Variants in PDZRN3 observed in about 807,000 individuals in gnomAD.
The protein encoded by PDZRN3 is E3 ubiquitin-protein ligase PDZRN3.
A neutral mutation model predicts 85.7 loss-of-function variants in PDZRN3; 38 were observed. The ratio of observed to expected loss-of-function variants is 0.44; its 90% CI spans 0.34 to 0.58. PDZRN3 has a LOEUF of 0.58. Ranked by LOEUF, PDZRN3 falls within the 20% of genes least tolerant of loss-of-function variation. The pLI is 0.01. For missense variants in PDZRN3, 1,629 were observed against 1,506.4 expected, an observed-to-expected ratio of 1.08 and a Z score of -1.35; for synonymous variants, 759 against 638.0, an observed-to-expected ratio of 1.19 and a Z score of -2.86.
intron 1 of PDZRN3, among the ~76,000 whole-genome samples, chr3:73,618,808 C>T (rs934200641): frequency 6.6e-6 from 1 of 152,172 alleles, no homozygotes; most frequent in Non-Finnish European, 1.5e-5. Flanking sequence ...AAAACAAATC[C>T]TAATTTTCCT....
intron 3 of PDZRN3, among the ~76,000 whole-genome samples, chr3:73,596,610 C>A (rs1702434045): frequency 6.6e-6 from 1 of 152,116 alleles, no homozygotes; most frequent in South Asian, 2.1e-4. Flanking sequence ...GGTATTCTTG[C>A]CCAAAACGTA....
At position 73,384,083 on chromosome 3, in the gene PDZRN3, T is replaced by A. The variant is rs775497530; in HGVS notation, c.2483A>T (p.Glu828Val). 6.2e-7 allele frequency: 1 copy of A among 1,613,104 alleles called. No individual in the cohort carries two copies. The highest frequency in any genetic ancestry group is 8.5e-7 in the Non-Finnish European group (1 of 1,179,672). The change falls in exon 10 of 10, where the codon GAG (glutamate) becomes GTG (valine). Residue 828 changes from glutamate (E) to valine (V), a missense_variant. Glu to Val is a moderately radical substitution (Grantham distance 121). Coordinates refer to ENST00000263666, the MANE Select transcript of PDZRN3 (RefSeq NM_015009.3). The part of the protein sequence containing the change: ...GTPTYSPSLK[E>V]LDPNQPLESK... Reference sequence around the variant, plus strand: ...TTCCAGGGGCTGGTTGGGGTCCAGCTCCTTCAGGGACGGGCTATAGGTAGG... The same window carrying A: ...TTCCAGGGGCTGGTTGGGGTCCAGCACCTTCAGGGACGGGCTATAGGTAGG...
chr3:73,568,818 G>A (rs1047004880), intron 3 of PDZRN3, among the ~76,000 whole-genome samples: 1 of 152,138 alleles, frequency 6.6e-6, no homozygotes, highest in Non-Finnish European at 1.5e-5. Context: ...CAAATCCTGG[G>A]ATTAAAACAG....
intron 3 of PDZRN3, among the ~76,000 whole-genome samples, chr3:73,550,695 C>T (rs953494319): frequency 6.6e-6 from 1 of 152,156 alleles, no homozygotes; most frequent in African/African-American, 2.4e-5. Context: ...TATATGGTGA[C>T]GTCTACCCAA....
chr3:73,493,915 G>T (rs928787286), intron 3 of PDZRN3, among the ~76,000 whole-genome samples: 3 of 152,190 alleles, frequency 2.0e-5, no homozygotes, highest in Admixed American at 1.3e-4. Context: ...CCATGTTTGA[G>T]AAGAACGTGC....
At chr3:73,505,672 C>T (rs558290233) in intron 3 of PDZRN3, among the ~76,000 whole-genome samples, 8 of 152,050 alleles carry the variant, frequency 5.3e-5, no homozygotes, top group Non-Finnish European at 1.2e-4. Context: ...TATTAAAGGT[C>T]ATTTATTTTC....
At chr3:73,414,915 C>T (rs1702045351) in intron 3 of PDZRN3, among the ~76,000 whole-genome samples, 1 of 152,330 alleles carries the variant, frequency 6.6e-6, no homozygotes, top group African/African-American at 2.4e-5. Context: ...TTGCAGGAAT[C>T]ATCTTTTGCT....
In PDZRN3 at chr3:73,609,180, GA is replaced by G. The variant is rs367924782; in HGVS notation, c.724-497del. 4.7e-4 allele frequency among the ~76,000 whole-genome samples: 72 copies of G among 152,202 alleles called. 1 individual carries two copies. Among genetic ancestry groups the G allele is most frequent in the African/African-American group, 1.6e-3 (68 of 41,524 alleles). On this transcript the variant is annotated intron_variant, in intron 1 of 9. Coordinates refer to ENST00000263666, the MANE Select transcript of PDZRN3 (RefSeq NM_015009.3). ...GGAGACTTGGGGAAAAATAGTGCATGAAAAGTGAGATGCAAACACACACAGA... is the reference window on the plus strand; with the variant it reads ...GGAGACTTGGGGAAAAATAGTGCATGAAAGTGAGATGCAAACACACACAGA...
chr3:73,433,726 G>A, intron 3 of PDZRN3: 1 of 1,536,056 alleles, frequency 6.5e-7, no homozygotes, highest in Non-Finnish European at 8.7e-7. Context: ...AAACGTCAAA[G>A]GAAGGCTTCC....
intron 3 of PDZRN3, among the ~76,000 whole-genome samples, chr3:73,468,226 G>A (rs1016306901): frequency 1.3e-5 from 2 of 152,126 alleles, no homozygotes; most frequent in Non-Finnish European, 2.9e-5. Context: ...TTGGAAATGG[G>A]AAGCGACCAT....
chr3:73,621,760 C>A (rs1196562735), intron 1 of PDZRN3: 1 of 152,170 alleles, frequency 6.6e-6, no homozygotes, highest in African/African-American at 2.4e-5. Flanking sequence ...AAGTTCCAAG[C>A]AGGGCTCCAA....
At chr3:73,551,804 C>G (rs913556106) in intron 3 of PDZRN3, among the ~76,000 whole-genome samples, 2 of 151,894 alleles carry the variant, frequency 1.3e-5, no homozygotes, top group Non-Finnish European at 2.9e-5. Flanking sequence ...TTTTGAGATG[C>G]TACCTTCTTG....
chr3:73,565,116 AATTTTTTTTTTTTTTTT>A (rs1232105680), intron 3 of PDZRN3, among the ~76,000 whole-genome samples: 4 of 87,948 alleles, frequency 4.5e-5, no homozygotes, highest in Admixed American at 1.5e-4. Flanking sequence ...TATATCCACC[AATTTTTTTTTTTTTTTT>A]TTTTTTTTTT....
intron 1 of PDZRN3, among the ~76,000 whole-genome samples, chr3:73,615,893 G>C (rs1026117176): frequency 2.6e-5 from 4 of 152,186 alleles, no homozygotes; most frequent in Non-Finnish European, 5.9e-5. Flanking sequence ...AAGTGCTATA[G>C]TTTGGATGAC....
At chr3:73,457,468 T>C (rs567504219) in intron 3 of PDZRN3, among the ~76,000 whole-genome samples, 1 of 152,084 alleles carries the variant, frequency 6.6e-6, no homozygotes, top group African/African-American at 2.4e-5. Context: ...TGGCCCAATA[T>C]GGGTTTGTTG....
intron 3 of PDZRN3, among the ~76,000 whole-genome samples, chr3:73,485,957 C>G (rs1559703569): frequency 1.3e-5 from 2 of 152,214 alleles, no homozygotes; most frequent in Admixed American, 6.5e-5. Context: ...TTGCACGTGA[C>G]TTGCTGTTTC....
intron 3 of PDZRN3, among the ~76,000 whole-genome samples, chr3:73,599,661 T>C (rs1308011539): frequency 2.6e-5 from 4 of 152,266 alleles, no homozygotes; most frequent in Non-Finnish European, 2.9e-5. Context: ...AACTCTTGTA[T>C]AAATCAAAGC....
In PDZRN3 at chr3:73,384,016, C is replaced by T. The variant is rs776744489; in HGVS notation, c.2550G>A (p.Thr850=). The change falls in exon 10 of 10, where the codon ACG becomes ACA. Residue 850 remains threonine, a synonymous_variant. Transcript: ENST00000263666. ...RRASDGSRSP[T]PSQKLGSAYL... is the part of the protein sequence containing the mutation. Reference sequence around the variant, plus strand: ...AGGCGCTGCCCAGCTTCTGGCTGGGCGTGGGGCTCCGGCTCCCGTCGCTGG... The same window carrying T: ...AGGCGCTGCCCAGCTTCTGGCTGGGTGTGGGGCTCCGGCTCCCGTCGCTGG... 8.8e-6 allele frequency: 14 copies of T among 1,589,700 alleles called. No individual in the cohort carries two copies. Among genetic ancestry groups the T allele is most frequent in the Admixed American group, 1.7e-5 (1 of 57,960 alleles).
intron 3 of PDZRN3, among the ~76,000 whole-genome samples, chr3:73,430,204 G>A (rs1281296892): frequency 1.3e-5 from 2 of 152,188 alleles, no homozygotes; most frequent in Admixed American, 1.3e-4. Context: ...CTTGTGTACA[G>A]ATCTGATGGG....
Sources: allele counts gnomAD v4.1 joint callset (sites outside exome capture counted in the v4.1 genomes callset), GRCh38; gene constraint gnomAD v4.1.1; transcripts MANE v1.5; gene names NCBI Gene and HGNC (gene_info 2026-07-23, HGNC 2026-07-21).